Variants in NXPH2 observed in about 807,000 individuals in gnomAD.
NXPH2 encodes neurexophilin-2.
In NXPH2, 5 loss-of-function variants were observed where a neutral mutation model predicts 19.8. The observed-to-expected ratio is 0.25, with a 90% CI of 0.13 to 0.53. The LOEUF (loss-of-function observed/expected upper bound fraction) is 0.53, where lower values mean the gene tolerates loss of function less well. Among genes scored for constraint, NXPH2 ranks in the 20% least tolerant of loss-of-function variants. NXPH2 has a pLI of 0.96. For synonymous variants in NXPH2, 154 were observed against 127.4 expected, an observed-to-expected ratio of 1.21 and a Z score of -1.41; for missense variants, 289 against 322.8, an observed-to-expected ratio of 0.90 and a Z score of 0.80.
rs532154145 is a variant in NXPH2 at position 138,760,567 on chromosome 2, C to A, written c.51+19624G>T. On this transcript the variant is annotated intron_variant, in intron 1 of 1. Coordinates refer to ENST00000272641, the MANE Select transcript of NXPH2 (RefSeq NM_007226.3). ...AACGTGTGTAGAGGATTTTCTAAAA[C>A]TAAGTAGAACTAGCTCCCTTTAGGC... 9.9e-5 allele frequency among the ~76,000 whole-genome samples: 15 copies of A among 152,278 alleles called. 1 individual carries two copies. The highest frequency in any genetic ancestry group is 2.9e-4 in the African/African-American group (12 of 41,558).
At chr2:138,700,741 C>A (rs1396849739) in intron 1 of NXPH2, among the ~76,000 whole-genome samples, 1 of 151,976 alleles carries the variant, frequency 6.6e-6, no homozygotes, top group Non-Finnish European at 1.5e-5. Context: ...AATGTCCTCC[C>A]TCCTGCTTGT....
intron 1 of NXPH2, among the ~76,000 whole-genome samples, chr2:138,749,090 C>T (rs1473618342): frequency 1.3e-5 from 2 of 152,078 alleles, no homozygotes; most frequent in Non-Finnish European, 2.9e-5. Flanking sequence ...GAGGGAGGAT[C>T]CTGGTGGGAG....
At chr2:138,724,779 T>A (rs1681334106) in intron 1 of NXPH2, among the ~76,000 whole-genome samples, 1 of 152,242 alleles carries the variant, frequency 6.6e-6, no homozygotes, top group Non-Finnish European at 1.5e-5. Context: ...AGAAGATAAA[T>A]GTTATTAATC....
chr2:138,755,642 G>A (rs189153539), intron 1 of NXPH2, among the ~76,000 whole-genome samples: 91 of 152,154 alleles, frequency 6.0e-4, no homozygotes, highest in African/African-American at 2.2e-3. Context: ...TCAGTATTAT[G>A]TTGGATATTC....
At chr2:138,778,184 A>G (rs1347717430) in intron 1 of NXPH2, among the ~76,000 whole-genome samples, 1 of 152,188 alleles carries the variant, frequency 6.6e-6, no homozygotes, top group Non-Finnish European at 1.5e-5. Flanking sequence ...GGAGAATGTA[A>G]ACAGCCTTTT....
rs749908655 is a variant in NXPH2 at position 138,671,364 on chromosome 2, T to A, written c.353A>T (p.His118Leu). 6 of 1,613,982 alleles carry A rather than the reference T, an allele frequency of 3.7e-6. No homozygotes were observed. The highest frequency in any genetic ancestry group is 4.2e-6 in the Non-Finnish European group (5 of 1,179,856). The change falls in exon 2 of 2, where the codon CAT (histidine) becomes CTT (leucine). Residue 118 changes from histidine to leucine, a missense_variant. Physicochemically the swap from His to Leu is moderately conservative, Grantham distance 99. Transcript: ENST00000272641. ...FKKMFGWGDF[H>L]SNIKTVKLNL... ...GAGTTTGACAGTTTTAATGTTGGAATGAAAGTCACCCCATCCAAACATTTT... is the reference window on the plus strand; with the variant it reads ...GAGTTTGACAGTTTTAATGTTGGAAAGAAAGTCACCCCATCCAAACATTTT...
intron 1 of NXPH2, among the ~76,000 whole-genome samples, chr2:138,722,306 C>T (rs1159371978): frequency 1.3e-5 from 2 of 152,192 alleles, no homozygotes; most frequent in Non-Finnish European, 2.9e-5. Context: ...GCTTTGAACA[C>T]ATTTTGGAAA....
rs1558923906 is a variant in NXPH2, at chr2:138,729,872, C to T, written c.51+50319G>A. Among the ~76,000 whole-genome samples the T allele has an allele frequency of 2.0e-5, 3 of 152,274 alleles. No homozygotes were observed. In the East Asian group the frequency reaches 5.8e-4, roughly 29 times the overall value. On this transcript the variant is annotated intron_variant, in intron 1 of 1. Transcript: ENST00000272641. ...TATGTCTTCTTTGGTCAATAGGGTG[C>T]TTCTGAAGTGATGTTTTTGTCTGCT...
chr2:138,745,992 A>T (rs1681727359), intron 1 of NXPH2, among the ~76,000 whole-genome samples: 1 of 152,140 alleles, frequency 6.6e-6, no homozygotes, highest in Non-Finnish European at 1.5e-5. Context: ...CCATCCACAG[A>T]TTCTGGAATT....
intron 1 of NXPH2, among the ~76,000 whole-genome samples, chr2:138,706,546 T>C (rs572713981): frequency 1.4e-4 from 22 of 152,326 alleles, no homozygotes; most frequent in African/African-American, 5.3e-4. Flanking sequence ...AGTTGTCATT[T>C]TAATTACGTA....
chr2:138,780,053 A>C (rs933096372), intron 1 of NXPH2, 138 bp downstream of exon 1: 2 of 818,162 alleles, frequency 2.4e-6, no homozygotes, highest in Admixed American at 3.9e-5. Flanking sequence ...AAGGCAACCC[A>C]AAACTCCTTG....
chr2:138,779,614 T>A (rs1394716943), intron 1 of NXPH2, among the ~76,000 whole-genome samples: 1 of 151,920 alleles, frequency 6.6e-6, no homozygotes, highest in Admixed American at 6.6e-5. Context: ...GAAAGCCCCA[T>A]CCCAGTCCCT....
At chr2:138,732,784 C>T (rs956085177) in intron 1 of NXPH2, among the ~76,000 whole-genome samples, 1 of 152,222 alleles carries the variant, frequency 6.6e-6, no homozygotes, top group South Asian at 2.1e-4. Flanking sequence ...AACACTGTAC[C>T]TCTTCCTGGT....
At chr2:138,734,919 A>C (rs1355182383) in intron 1 of NXPH2, among the ~76,000 whole-genome samples, 3 of 152,198 alleles carry the variant, frequency 2.0e-5, no homozygotes, top group Non-Finnish European at 4.4e-5. Flanking sequence ...AGGAGATACA[A>C]ATCAGAAAAC....
chr2:138,679,431 C>T (rs1280076846), intron 1 of NXPH2, among the ~76,000 whole-genome samples: 1 of 146,444 alleles, frequency 6.8e-6, no homozygotes, highest in Non-Finnish European at 1.5e-5. Context: ...GACGGAGTCT[C>T]GCTCGGTTGC....
chr2:138,750,371 C>T (rs1349345522), intron 1 of NXPH2, among the ~76,000 whole-genome samples: 1 of 152,008 alleles, frequency 6.6e-6, no homozygotes, highest in Non-Finnish European at 1.5e-5. Context: ...TCCAAATATA[C>T]ACTGGGGCAT....
At position 138,670,623 on chromosome 2, in the gene NXPH2, T is replaced by C. The variant is rs1680399199; in HGVS notation, c.*299A>G. ...AATTTTGTTCCTTCTTGTCACATAT[T>C]GCTATCATTGATGTTTCTTTCAGAG... On this transcript the variant is annotated 3_prime_UTR_variant, in exon 2 of 2. Coordinates refer to ENST00000272641, the MANE Select transcript of NXPH2 (RefSeq NM_007226.3). The C allele has an allele frequency of 3.9e-6, 1 of 253,316 alleles. No homozygotes were observed. The highest frequency in any genetic ancestry group is 1.1e-4 in the South Asian group (1 of 8,902). 15.7% of individuals were successfully genotyped at this position (253,316 alleles called of 1,614,324 possible). A position where few individuals can be genotyped will look rare whatever the true frequency, so the allele number is the denominator to read the frequency against.
chr2:138,748,834 A>G (rs1031291214), intron 1 of NXPH2, among the ~76,000 whole-genome samples: 1 of 152,194 alleles, frequency 6.6e-6, no homozygotes, highest in African/African-American at 2.4e-5. Context: ...ACTAAAAAAG[A>G]CATTAAAAAA....
At chr2:138,758,783 G>T (rs1681954719) in intron 1 of NXPH2, among the ~76,000 whole-genome samples, 1 of 152,184 alleles carries the variant, frequency 6.6e-6, no homozygotes, top group Non-Finnish European at 1.5e-5. Context: ...AACACCAGTT[G>T]TACCTCACCA....
Sources: allele counts gnomAD v4.1 joint callset (sites outside exome capture counted in the v4.1 genomes callset), GRCh38; gene constraint gnomAD v4.1.1; transcripts MANE v1.5; gene names NCBI Gene and HGNC (gene_info 2026-07-23, HGNC 2026-07-21).